Variants in DPP10 observed in about 807,000 individuals in gnomAD.
The protein encoded by DPP10 is inactive dipeptidyl peptidase 10.
A neutral mutation model predicts 120.9 loss-of-function variants in DPP10; 33 were observed. The ratio of observed to expected loss-of-function variants is 0.27; its 90% CI spans 0.21 to 0.37. The LOEUF (loss-of-function observed/expected upper bound fraction) is 0.37. DPP10 is among the 10% of genes least tolerant of loss of function. The pLI is 1.00. For synonymous variants in DPP10, 337 were observed against 326.1 expected (o/e 1.03, Z -0.36); for missense variants, 816 against 942.8 (o/e 0.87, Z 1.76).
At chr2:114,518,156 C>A (rs1007422067) in intron 1 of DPP10, among the ~76,000 whole-genome samples, 1 of 138,644 alleles carries the variant, frequency 7.2e-6, no homozygotes, top group African/African-American at 2.7e-5. Flanking sequence ...CAGTTTACTG[C>A]AACCTCTGCC....
intron 1 of DPP10, among the ~76,000 whole-genome samples, chr2:115,162,863 G>A (rs1057225740): frequency 3.3e-5 from 5 of 152,086 alleles, no homozygotes; most frequent in African/African-American, 1.2e-4. Context: ...TGGGACTTCG[G>A]TGTCGCTCTT....
chr2:115,570,415 A>G (rs1046782511), intron 5 of DPP10, among the ~76,000 whole-genome samples: 3 of 152,190 alleles, frequency 2.0e-5, no homozygotes, highest in Non-Finnish European at 4.4e-5. Context: ...GGTGCCCAAC[A>G]CCTTCTGTAT....
chr2:115,782,796 A>G (rs1189620782), intron 17 of DPP10, among the ~76,000 whole-genome samples: 1 of 152,010 alleles, frequency 6.6e-6, no homozygotes, highest in Non-Finnish European at 1.5e-5. Context: ...GTTATTTTAT[A>G]TATTTTCTAT....
chr2:114,739,152 A>C (rs908823307), intron 1 of DPP10, among the ~76,000 whole-genome samples: 9 of 152,190 alleles, frequency 5.9e-5, no homozygotes, highest in African/African-American at 2.2e-4. Context: ...AATGTTTTGT[A>C]CATGTTAGGA....
At chr2:114,475,826 G>A (rs1450265802) in intron 1 of DPP10, among the ~76,000 whole-genome samples, 3 of 152,172 alleles carry the variant, frequency 2.0e-5, no homozygotes, top group African/African-American at 7.2e-5. Context: ...GATAGAGGTG[G>A]GTGGATCAAT....
At chr2:114,915,106 G>C (rs963726740) in intron 1 of DPP10, among the ~76,000 whole-genome samples, 4 of 150,318 alleles carry the variant, frequency 2.7e-5, no homozygotes, top group African/African-American at 9.8e-5. Flanking sequence ...ACCCCAGCCT[G>C]GGCGACAGAA....
At chr2:115,725,687 G>A (rs2092750527) in intron 7 of DPP10, among the ~76,000 whole-genome samples, 2 of 152,310 alleles carry the variant, frequency 1.3e-5, no homozygotes, top group South Asian at 4.1e-4. Context: ...TACTTTGGGT[G>A]AGGTCACCTC....
chr2:115,830,623 A>G (rs1321503297), intron 21 of DPP10, among the ~76,000 whole-genome samples: 1 of 152,158 alleles, frequency 6.6e-6, no homozygotes, highest in Non-Finnish European at 1.5e-5. Flanking sequence ...TAAACTAAAC[A>G]TAATTGGTGA....
Position 115,121,586 on chromosome 2 carries a change from A to AG in DPP10, c.61-187648dup, listed in dbSNP as rs769302307. On this transcript the variant is annotated intron_variant, in intron 1 of 25. Transcript: ENST00000410059. ...TTTCCAGTGGCTGAGCTTGTGGCAG[A>AG]GGGGGCAGGCTATGTGGGGGTTTCT... Among the ~76,000 whole-genome samples the AG allele has an allele frequency of 5.3e-5, 8 of 152,230 alleles. No homozygotes were observed. In the East Asian group the frequency reaches 1.5e-3, roughly 29 times the overall value.
chr2:115,699,030 A>C (rs2091749471), intron 7 of DPP10, among the ~76,000 whole-genome samples: 1 of 31,616 alleles, frequency 3.2e-5, no homozygotes, highest in African/African-American at 8.7e-5. Context: ...CTGAAAAAAA[A>C]AAAAACAAAA....
rs1690256506 is a variant in DPP10 at position 115,842,496 on chromosome 2, G to C, written c.*151G>C. The stretch of plus-strand genomic sequence containing the variant: ...GCTCAGAGACAGTGAACTAGCATTT[G>C]AATACACAAGTCCAAGTCTACTGTG... On this transcript the variant is annotated 3_prime_UTR_variant, in exon 26 of 26. Transcript: ENST00000410059. 1.2e-6 allele frequency: 1 copy of C among 845,770 alleles called. No homozygotes were observed. The highest frequency in any genetic ancestry group is 1.7e-6 in the Non-Finnish European group (1 of 587,218). 52.4% of individuals were successfully genotyped at this position (845,770 alleles called of 1,614,324 possible).
intron 1 of DPP10, among the ~76,000 whole-genome samples, chr2:114,716,204 A>T (rs1052309950): frequency 1.3e-5 from 2 of 152,202 alleles, no homozygotes; most frequent in African/African-American, 4.8e-5. Flanking sequence ...AAGAAATTTT[A>T]AAAAATGAAA....
chr2:115,836,907 TCA>T (rs896587960), intron 24 of DPP10, among the ~76,000 whole-genome samples, 161 bp downstream of exon 24: 1 of 152,038 alleles, frequency 6.6e-6, no homozygotes, highest in Non-Finnish European at 1.5e-5. Flanking sequence ...AAAAAAGAAT[TCA>T]GAGATAAGAG....
chr2:115,560,008 A>T (rs2080462059), intron 5 of DPP10, among the ~76,000 whole-genome samples: 1 of 151,968 alleles, frequency 6.6e-6, no homozygotes, highest in African/African-American at 2.4e-5. Flanking sequence ...CTCCTGTGTG[A>T]ACTAGTAGGG....
chr2:114,734,695 C>G (rs1677250326), intron 1 of DPP10, among the ~76,000 whole-genome samples: 1 of 152,038 alleles, frequency 6.6e-6, no homozygotes, highest in African/African-American at 2.4e-5. Flanking sequence ...TTTTTGTCGG[C>G]AAAAGATTAT....
chr2:114,592,158 T>C (rs931206824), intron 1 of DPP10, among the ~76,000 whole-genome samples: 10 of 152,206 alleles, frequency 6.6e-5, no homozygotes, highest in Non-Finnish European at 1.5e-4. Flanking sequence ...CTCTTTGCTT[T>C]CTTTCTACAA....
intron 5 of DPP10, among the ~76,000 whole-genome samples, chr2:115,648,978 C>G (rs1194533809): frequency 6.6e-6 from 1 of 152,104 alleles, no homozygotes; most frequent in Non-Finnish European, 1.5e-5. Flanking sequence ...GCAGGACTGG[C>G]ACAGGTGAGT....
intron 1 of DPP10, among the ~76,000 whole-genome samples, chr2:114,656,448 A>G (rs563624777): frequency 6.6e-6 from 1 of 152,272 alleles, no homozygotes; most frequent in African/African-American, 2.4e-5. Context: ...AATAAAATTC[A>G]CATAAATTGC....
At chr2:114,656,917 A>G (rs1697005530) in intron 1 of DPP10, among the ~76,000 whole-genome samples, 1 of 152,170 alleles carries the variant, frequency 6.6e-6, no homozygotes, top group Admixed American at 6.5e-5. Context: ...AGAGAAAAGG[A>G]AAACTAAAAA....
Sources: gnomAD v4.1 joint callset for allele counts (sites outside exome capture counted in the v4.1 genomes callset) on GRCh38, gnomAD v4.1.1 for gene constraint, MANE v1.5 for transcripts, NCBI Gene and HGNC (gene_info 2026-07-23, HGNC 2026-07-21) for gene names.